DDX41: variants seen among roughly 807,000 people sequenced by gnomAD.
DDX41 encodes the protein DEAD-box helicase 41, also known as probable ATP-dependent RNA helicase DDX41.
Under a neutral mutation model 78.8 loss-of-function variants are expected in DDX41, and 50 were observed. That is an observed-to-expected ratio of 0.63 (90% confidence interval 0.51 to 0.80). DDX41 has a LOEUF of 0.80. Ranked by LOEUF, DDX41 falls within the 30% of genes least tolerant of loss-of-function variation. The pLI is 0.00. For synonymous variants in DDX41, 381 were observed against 321.5 expected (o/e 1.19, Z -1.98); for missense variants, 633 against 849.2 (o/e 0.75, Z 3.16).
Position 177,512,397 on chromosome 5 carries a change from CAG to C in DDX41, c.1550-6_1550-5del, listed in dbSNP as rs1269566101. On this transcript the variant is annotated splice_polypyrimidine_tract_variant and splice_region_variant and intron_variant, in intron 14 of 16. Transcript: ENST00000330503. Reference sequence around the variant, plus strand: ...CCGGTGCGGCCAATCCGGTGTACTGCAGAGAGAAGGACAGAGTCTCTGGCCCA... The same window carrying C: ...CCGGTGCGGCCAATCCGGTGTACTGCAGAGAAGGACAGAGTCTCTGGCCCA... 3 of 1,613,954 alleles carry C rather than the reference CAG, an allele frequency of 1.9e-6. No individual in the cohort carries two copies. The African/African-American group carries it at 4.0e-5, about 22-fold the overall frequency.
rs373651337 is a variant in DDX41, at chr5:177,512,762, T to G, written c.1399+18A>C. 1 of 1,613,636 alleles carries G rather than the reference T, an allele frequency of 6.2e-7. No homozygotes were observed. Among genetic ancestry groups the G allele is most frequent in the Non-Finnish European group, 8.5e-7 (1 of 1,179,630 alleles). Reference sequence around the variant, plus strand: ...GCTACTGCAGCAGGGTCCAAGCCAGTGCTTGCACCACCCTGACCTTTGCCC... The same window carrying G: ...GCTACTGCAGCAGGGTCCAAGCCAGGGCTTGCACCACCCTGACCTTTGCCC... On this transcript the variant is annotated intron_variant, in intron 13 of 16. Coordinates refer to ENST00000330503, the MANE Select transcript of DDX41 (RefSeq NM_016222.4).
At chr5:177,516,673 C>G (rs1761249334) in intron 2 of DDX41, 52 bp downstream of exon 2, 2 of 1,536,274 alleles carry the variant, frequency 1.3e-6, no homozygotes, top group South Asian at 2.4e-5. Context: ...ACGCCCGCCC[C>G]CTGCGACCCC....
chr5:177,512,512 C>A lies in DDX41; in HGVS notation c.1533G>T (p.Glu511Asp). The change falls in exon 14 of 17, where the codon GAG becomes GAT. Residue 511 changes from glutamate to aspartate, a missense_variant. Glu to Asp is a conservative substitution (Grantham distance 45). Coordinates refer to ENST00000330503, the MANE Select transcript of DDX41 (RefSeq NM_016222.4). Reference protein sequence around the residue: ...IQHVINYDMPEEIENYVHRIG... With the variant: ...IQHVINYDMPDEIENYVHRIG... Reference sequence around the variant, plus strand: ...GGCTCTTACCATAGTTCTCAATCTCCTCTGGCATGTCATAATTGATGACGT... The same window carrying A: ...GGCTCTTACCATAGTTCTCAATCTCATCTGGCATGTCATAATTGATGACGT... The A allele has an allele frequency of 6.2e-7, 1 of 1,614,190 alleles. No homozygotes were observed. Among genetic ancestry groups the A allele is most frequent in the Non-Finnish European group, 8.5e-7 (1 of 1,180,030 alleles).
In DDX41 at chr5:177,514,007, A is replaced by G. The variant is rs1761106860; in HGVS notation, c.936-160T>C. Among the ~76,000 whole-genome samples the G allele has an allele frequency of 6.6e-6, 1 of 152,002 alleles. No homozygotes were observed. The highest frequency in any genetic ancestry group is 2.4e-5 in the African/African-American group (1 of 41,380). ...ACCACCTGCCCTATGTATAGCACAC[A>G]GCTCTTTCCCAAGGCACTGCAGCCA... On this transcript the variant is annotated intron_variant, in intron 9 of 16. Transcript: ENST00000330503. This position sits in a 1 kb window ranked among gnomAD's most constrained non-coding sequence, Gnocchi z 4.2.
Position 177,513,970 on chromosome 5 carries a change from C to T in DDX41, c.936-123G>A. 2 of 996,332 alleles carry T rather than the reference C, an allele frequency of 2.0e-6. No individual in the cohort carries two copies. The highest frequency in any genetic ancestry group is 3.0e-6 in the Non-Finnish European group (2 of 659,548). 61.7% of individuals were successfully genotyped at this position (996,332 alleles called of 1,614,324 possible). ...TTCCTATTTCTTTGTCTGTCCCCTT[C>T]TCATCATTCCCACCACCTGCCCTAT... On this transcript the variant is annotated intron_variant, in intron 9 of 16. Coordinates refer to ENST00000330503, the MANE Select transcript of DDX41 (RefSeq NM_016222.4). The surrounding 1 kb of genome is among the most constrained non-coding windows in gnomAD (Gnocchi z 4.6).
rs138939116 is a variant in DDX41, at chr5:177,516,776, G to C, written c.87C>G (p.Asp29Glu). ...GCACATAGGGCACGTAGTCCTCGTC[G>C]TCCTCATCTTCCGCCTCGGAGCGGC... ...GGSRSEAEDE[D>E]DEDYVPYVPL... Residue 29 changes from aspartate (D) to glutamate (E), a missense_variant, in exon 2 of 17, where the codon GAC becomes GAG. This residue lies in a region of DDX41 where 140 missense variants were observed against 115.2 expected (regional missense o/e 1.22). Coordinates refer to ENST00000330503, the MANE Select transcript of DDX41 (RefSeq NM_016222.4). The C allele has an allele frequency of 6.2e-7, 1 of 1,612,252 alleles. No homozygotes were observed. The highest frequency in any genetic ancestry group is 8.5e-7 in the Non-Finnish European group (1 of 1,179,670).
rs1183786151 is a variant in DDX41 at position 177,513,896 on chromosome 5, T to A, written c.936-49A>T. On this transcript the variant is annotated intron_variant, in intron 9 of 16. Coordinates refer to ENST00000330503, the MANE Select transcript of DDX41 (RefSeq NM_016222.4). This position sits in a 1 kb window ranked among gnomAD's most constrained non-coding sequence, Gnocchi z 4.6. ...AGGTTGGGGCCACTGGCCTATCACC[T>A]ATCTAGAGGCAAGCAGGCACCCTGC... is the stretch of plus-strand genomic sequence containing the variant. 6.3e-7 allele frequency: 1 copy of A among 1,590,652 alleles called. No homozygotes were observed. Among genetic ancestry groups the A allele is most frequent in the Non-Finnish European group, 8.6e-7 (1 of 1,161,646 alleles).
chr5:177,516,897 C>G, intron 1 of DDX41, 22 bp downstream of exon 1: 1 of 1,613,340 alleles, frequency 6.2e-7, no homozygotes, highest in Non-Finnish European at 8.5e-7. Flanking sequence ...CCCACACGCG[C>G]GGGGTCTCGC....
Position 177,515,203 on chromosome 5 carries a change from G to A in DDX41, c.627C>T (p.Ile209=), listed in dbSNP as rs781436670. 8.7e-6 allele frequency: 14 copies of A among 1,614,030 alleles called. No individual in the cohort carries two copies. The South Asian group carries it at 1.4e-4, about 16-fold the overall frequency. Residue 209 remains isoleucine (I), a synonymous_variant, in exon 7 of 17, where the codon ATC becomes ATT. Transcript: ENST00000330503. ...ACACTCACATGGTGGGGATGCCCTGGATCTGAATGGGTGTTGGGTGGTGAA... is the reference window on the plus strand; with the variant it reads ...ACACTCACATGGTGGGGATGCCCTGAATCTGAATGGGTGTTGGGTGGTGAA... ...KGIHHPTPIQ[I]QGIPTILSGR... is the part of the protein sequence containing the mutation.
In DDX41 at chr5:177,514,790, G is replaced by C; in HGVS notation, c.846C>G (p.Arg282=). 1 of 1,612,962 alleles carries C rather than the reference G, an allele frequency of 6.2e-7. No homozygotes were observed. Among genetic ancestry groups the C allele is most frequent in the Non-Finnish European group, 8.5e-7 (1 of 1,179,950 alleles). ...QTHGILEYYC[R]LLQEDSSPLL... ...GTGGTGAGCTGTCCTCCTGCAGCAG[G>C]CGGCAGTAGTACTCCAGGATGCCAT... is the stretch of plus-strand genomic sequence containing the variant. Residue 282 remains arginine, a synonymous_variant, in exon 9 of 17, where the codon CGC becomes CGG. Transcript: ENST00000330503. The surrounding 1 kb of genome is among the most constrained non-coding windows in gnomAD (Gnocchi z 4.2).
chr5:177,513,518 C>G lies in DDX41; in HGVS notation c.1099-34G>C, dbSNP rs201410094. 1.2e-5 allele frequency: 19 copies of G among 1,613,920 alleles called. No individual in the cohort carries two copies. The African/African-American group carries it at 2.0e-4, about 17-fold the overall frequency. ...GAGGGGGGCTGCGACCAAGGGCACA[C>G]AGGGCTGGGCTGAGGGGCATGGGGT... On this transcript the variant is annotated intron_variant, in intron 10 of 16. Coordinates refer to ENST00000330503, the MANE Select transcript of DDX41 (RefSeq NM_016222.4). This position sits in a 1 kb window ranked among gnomAD's most constrained non-coding sequence, Gnocchi z 4.6.
chr5:177,515,418 G>A, intron 6 of DDX41, 160 bp from the exon 7 acceptor site: 2 of 929,082 alleles, frequency 2.2e-6, no homozygotes, highest in Non-Finnish European at 3.4e-6. Flanking sequence ...AAAGAGACTT[G>A]TCCAAGGCCC....
Position 177,513,923 on chromosome 5 carries a change from T to C in DDX41, c.936-76A>G. 1 of 1,403,408 alleles carries C rather than the reference T, an allele frequency of 7.1e-7. No individual in the cohort carries two copies. The highest frequency in any genetic ancestry group is 1.4e-5 in the African/African-American group (1 of 70,734). 86.9% of individuals were successfully genotyped at this position (1,403,408 alleles called of 1,614,324 possible). A position where few individuals can be genotyped will look rare whatever the true frequency, so the allele number is the denominator to read the frequency against. ...TCTAGAGGCAAGCAGGCACCCTGCA[T>C]CTGCTCTGCTCTCTGTCCTCCTTCC... On this transcript the variant is annotated intron_variant, in intron 9 of 16. Coordinates refer to ENST00000330503, the MANE Select transcript of DDX41 (RefSeq NM_016222.4). This position sits in a 1 kb window ranked among gnomAD's most constrained non-coding sequence, Gnocchi z 4.6.
chr5:177,515,862 G>A, intron 5 of DDX41, 41 bp from the exon 6 acceptor site: 1 of 1,614,136 alleles, frequency 6.2e-7, no homozygotes, highest in Non-Finnish European at 8.5e-7. Context: ...CCTGGGAATA[G>A]CTGGCCTGGG....
At chr5:177,515,110 G>C (rs1291705891) in intron 7 of DDX41, 41 bp from the exon 8 acceptor site, 3 of 1,612,126 alleles carry the variant, frequency 1.9e-6, no homozygotes, top group Non-Finnish European at 1.7e-6. Context: ...TTCAACAGAA[G>C]ATGAAGGACA....
At chr5:177,516,561 C>T (rs779525665) in intron 2 of DDX41, 114 bp from the exon 3 acceptor site, 11 of 1,444,314 alleles carry the variant, frequency 7.6e-6, no homozygotes, top group Admixed American at 1.8e-5. Flanking sequence ...GCTGCCCTAC[C>T]CCTCAGATCA....
In DDX41 at chr5:177,516,003, C is replaced by T. The variant is rs200500432; in HGVS notation, c.374-14G>A. ...CTGACATCAATGCTGAAGAGAGAGA[C>T]ATGGCTCAGGGCTGGCTCCTGCTTC... On this transcript the variant is annotated splice_polypyrimidine_tract_variant and intron_variant, in intron 4 of 16. Coordinates refer to ENST00000330503, the MANE Select transcript of DDX41 (RefSeq NM_016222.4). 7.1e-4 allele frequency: 1,148 copies of T among 1,614,194 alleles called. No homozygotes were observed. The highest frequency in any genetic ancestry group is 8.8e-4 in the Non-Finnish European group (1,039 of 1,180,046).
Position 177,514,090 on chromosome 5 carries a change from C to T in DDX41, c.936-243G>A. On this transcript the variant is annotated intron_variant, in intron 9 of 16. Coordinates refer to ENST00000330503, the MANE Select transcript of DDX41 (RefSeq NM_016222.4). This position sits in a 1 kb window ranked among gnomAD's most constrained non-coding sequence, Gnocchi z 4.2. ...CCCTTCTCCTGGGTCAGCCTCTCAC[C>T]CAGAAGCGCTGTCATCAAGCTCCAG... The T allele has an allele frequency of 1.5e-6, 1 of 665,532 alleles. No homozygotes were observed. Among genetic ancestry groups the T allele is most frequent in the East Asian group, 2.9e-5 (1 of 34,092 alleles). The allele number at this position is 665,532 out of a possible 1,614,324, so 41.2% of individuals were successfully genotyped here.
Position 177,516,808 on chromosome 5 carries a change from C to A in DDX41, c.55G>T (p.Gly19Ter). ...KRARTDEVPAGGSRSEAEDED... is the reference protein window; with the variant it reads ...KRARTDEVPA ...TCTTCCGCCTCGGAGCGGCTTCCTC[C>A]GGCAGGCACCTCGTCGGTGCGAGCC... Residue 19 changes from glycine (G) to a stop codon, truncating the protein, a stop_gained, in exon 2 of 17, where the codon GGA becomes TGA. Transcript: ENST00000330503. LOFTEE classifies it high-confidence loss of function. 3.7e-6 allele frequency: 6 copies of A among 1,612,534 alleles called. No individual in the cohort carries two copies. The highest frequency in any genetic ancestry group is 3.4e-6 in the Non-Finnish European group (4 of 1,179,836).
Sources: gnomAD v4.1 joint callset for allele counts (sites outside exome capture counted in the v4.1 genomes callset) on GRCh38, gnomAD v4.1.1 for gene constraint, gnomAD v4.1.1 regional missense constraint, Gnocchi (gnomAD v3.1) non-coding constraint, MANE v1.5 for transcripts, NCBI Gene and HGNC (gene_info 2026-07-23, HGNC 2026-07-21) for gene names.